PARN: variants seen among roughly 807,000 people sequenced by gnomAD.
PARN encodes the protein poly(A)-specific ribonuclease PARN.
In PARN, 71 loss-of-function variants were observed where a neutral mutation model predicts 102.8. The observed-to-expected ratio is 0.69, with a 90% CI of 0.57 to 0.84. The LOEUF is 0.84. Ranked by LOEUF, PARN falls within the 40% of genes least tolerant of loss-of-function variation. The probability of loss-of-function intolerance (pLI) is 0.00; values close to 1 mark genes in which losing one functional copy is unlikely to be tolerated. For missense variants in PARN, 782 were observed against 760.9 expected (o/e 1.03, Z -0.33); for synonymous variants, 261 against 252.9 (o/e 1.03, Z -0.30).
intron 18 of PARN, among the ~76,000 whole-genome samples, chr16:14,572,909 G>C (rs1481596967): frequency 2.7e-5 from 4 of 147,798 alleles, no homozygotes; most frequent in African/African-American, 1.0e-4. Flanking sequence ...TTTTTTTTGA[G>C]ACAGGGTCTT....
At chr16:14,448,438 C>T (rs1961299221) in intron 22 of PARN, among the ~76,000 whole-genome samples, 3 of 152,014 alleles carry the variant, frequency 2.0e-5, no homozygotes, top group South Asian at 4.2e-4. Flanking sequence ...TGAGTTACCA[C>T]GCCCGGCCTC....
intron 5 of PARN, among the ~76,000 whole-genome samples, chr16:14,621,481 A>C (rs1972295727): frequency 6.6e-6 from 1 of 152,198 alleles, no homozygotes; most frequent in Non-Finnish European, 1.5e-5. Context: ...GAATAGTAAA[A>C]TTTATGTTAC....
At chr16:14,606,917 G>A (rs1971223878) in intron 9 of PARN, among the ~76,000 whole-genome samples, 1 of 151,926 alleles carries the variant, frequency 6.6e-6, no homozygotes. Flanking sequence ...AAGTAGCTGG[G>A]ACTATAGGCA....
chr16:14,610,292 G>A (rs913850720), intron 7 of PARN, among the ~76,000 whole-genome samples: 16 of 151,896 alleles, frequency 1.1e-4, no homozygotes, highest in African/African-American at 3.9e-4. Context: ...GGCCAACATG[G>A]CAAAACCTCG....
intron 21 of PARN, among the ~76,000 whole-genome samples, chr16:14,537,300 C>A (rs115187205): frequency 3.9e-5 from 6 of 151,972 alleles, no homozygotes; most frequent in African/African-American, 1.5e-4. Flanking sequence ...CACAGACTGG[C>A]GATGATGTAG....
chr16:14,503,966 G>A (rs1964755117), intron 21 of PARN, among the ~76,000 whole-genome samples: 1 of 152,198 alleles, frequency 6.6e-6, no homozygotes, highest in African/African-American at 2.4e-5. Flanking sequence ...CTTAGAAGCA[G>A]TGAACCAAGG....
chr16:14,627,161 T>G lies in PARN; in HGVS notation c.272A>C (p.Tyr91Ser). Reference protein sequence around the residue: ...SKYITKSFNFYVFPKPFNRSS... With the variant: ...SKYITKSFNFSVFPKPFNRSS... Reference sequence around the variant, plus strand: ...TCTATTGAAGGGTTTCGGGAAAACATAGAAGTTAAATGACTTCGTTATATA... The same window carrying G: ...TCTATTGAAGGGTTTCGGGAAAACAGAGAAGTTAAATGACTTCGTTATATA... Residue 91 changes from tyrosine to serine, a missense_variant, in exon 5 of 24, where the codon TAT (tyrosine) becomes TCT (serine). Transcript: ENST00000437198. The G allele has an allele frequency of 6.2e-7, 1 of 1,605,790 alleles. No individual in the cohort carries two copies. The highest frequency in any genetic ancestry group is 1.1e-5 in the South Asian group (1 of 90,178).
chr16:14,568,114 C>T (rs1968539774), intron 18 of PARN, among the ~76,000 whole-genome samples: 1 of 152,138 alleles, frequency 6.6e-6, no homozygotes, highest in South Asian at 2.1e-4. Flanking sequence ...CTGTGGGAGG[C>T]CGAGACGGGA....
At chr16:14,523,487 A>G (rs1414730836) in intron 21 of PARN, among the ~76,000 whole-genome samples, 1 of 152,196 alleles carries the variant, frequency 6.6e-6, no homozygotes, top group Non-Finnish European at 1.5e-5. Context: ...ACACAATGCA[A>G]TACAATCAGA....
At chr16:14,571,622 C>T (rs7200272) in intron 18 of PARN, among the ~76,000 whole-genome samples, 35,643 of 152,060 alleles carry the variant, frequency 0.23, 4,733 homozygotes, top group Middle Eastern at 0.33. Context: ...CTCCTTCTGT[C>T]CCCCACATCT....
chr16:14,511,719 G>A (rs1965199549), intron 21 of PARN, among the ~76,000 whole-genome samples: 1 of 152,014 alleles, frequency 6.6e-6, no homozygotes, highest in Admixed American at 6.6e-5. Flanking sequence ...TTATATTTTA[G>A]ACACAGGGTC....
intron 21 of PARN, among the ~76,000 whole-genome samples, chr16:14,548,150 A>G (rs1319014040): frequency 6.6e-6 from 1 of 151,984 alleles, no homozygotes; most frequent in African/African-American, 2.4e-5. Flanking sequence ...CGGGAGGCTG[A>G]GGCAGGAGAC....
intron 19 of PARN, among the ~76,000 whole-genome samples, chr16:14,555,293 A>T (rs1967607826): frequency 6.6e-6 from 1 of 152,114 alleles, no homozygotes; most frequent in South Asian, 2.1e-4. Flanking sequence ...ATATACACAT[A>T]CTCAAGTAAC....
intron 8 of PARN, among the ~76,000 whole-genome samples, 169 bp from the exon 9 acceptor site, chr16:14,608,488 C>A (rs1031315223): frequency 6.6e-6 from 1 of 152,162 alleles, no homozygotes; most frequent in African/African-American, 2.4e-5. Context: ...ATTTCCTCAT[C>A]ACTTGTCTTC....
At chr16:14,583,468 C>T (rs1020251354) in intron 16 of PARN, among the ~76,000 whole-genome samples, 2 of 152,092 alleles carry the variant, frequency 1.3e-5, no homozygotes, top group African/African-American at 4.8e-5. Context: ...TGGTAGCCAC[C>T]TAAGTAATAT....
chr16:14,449,686 A>G (rs1961366248), intron 22 of PARN, among the ~76,000 whole-genome samples: 1 of 152,218 alleles, frequency 6.6e-6, no homozygotes, highest in African/African-American at 2.4e-5. Flanking sequence ...GAAAACTAAA[A>G]AAGGTATGAA....
intron 11 of PARN, among the ~76,000 whole-genome samples, chr16:14,603,088 T>A (rs928619804): frequency 6.6e-6 from 1 of 151,812 alleles, no homozygotes; most frequent in African/African-American, 2.4e-5. Flanking sequence ...ACCTGGATAA[T>A]TTTTTTTGTA....
At chr16:14,606,646 T>C (rs1485366379) in intron 9 of PARN, 120 bp from the exon 10 acceptor site, 1 of 558,732 alleles carries the variant, frequency 1.8e-6, no homozygotes, top group Non-Finnish European at 3.2e-6. Flanking sequence ...AAAATAATTA[T>C]CACTACAATG....
intron 21 of PARN, among the ~76,000 whole-genome samples, chr16:14,509,261 C>T (rs933677798): frequency 1.1e-4 from 17 of 152,122 alleles, no homozygotes; most frequent in African/African-American, 4.1e-4. Flanking sequence ...ATGTGGCATC[C>T]AGACACCACC....
Sources: allele counts gnomAD v4.1 joint callset (sites outside exome capture counted in the v4.1 genomes callset), GRCh38; gene constraint gnomAD v4.1.1; transcripts MANE v1.5; gene names NCBI Gene and HGNC (gene_info 2026-07-23, HGNC 2026-07-21).